Variants in SYN3 observed in about 807,000 individuals in gnomAD.
The protein encoded by SYN3 is synapsin-3.
SYN3 carries 35 observed loss-of-function variants against 65.8 expected under a neutral mutation model. The ratio of observed to expected loss-of-function variants is 0.53; its 90% CI spans 0.41 to 0.70. SYN3 has a LOEUF of 0.70. SYN3 is among the 30% of genes least tolerant of loss of function. The probability of loss-of-function intolerance (pLI) is 0.00; values close to 1 mark genes in which losing one functional copy is unlikely to be tolerated. For synonymous variants in SYN3, 270 were observed against 292.9 expected, an observed-to-expected ratio of 0.92 and a Z score of 0.80; for missense variants, 680 against 749.0, an observed-to-expected ratio of 0.91 and a Z score of 1.08.
At chr22:32,536,795 C>T (rs1647410586) in intron 9 of SYN3, among the ~76,000 whole-genome samples, 1 of 152,202 alleles carries the variant, frequency 6.6e-6, no homozygotes, top group African/African-American at 2.4e-5. Context: ...CACAAAGAAG[C>T]TGAACTTGGG....
At chr22:33,009,478 T>G (rs1381968688) in intron 1 of SYN3, among the ~76,000 whole-genome samples, 1 of 152,156 alleles carries the variant, frequency 6.6e-6, no homozygotes, top group Non-Finnish European at 1.5e-5. Context: ...ATCTTTTTAT[T>G]TTTGATTTGT....
intron 6 of SYN3, among the ~76,000 whole-genome samples, chr22:32,848,404 A>G (rs990401414): frequency 2.2e-4 from 34 of 152,214 alleles, no homozygotes; most frequent in African/African-American, 8.0e-4. Flanking sequence ...AGGCTCAGAA[A>G]GAGGAAGTGG....
chr22:32,606,132 A>G (rs991960999), intron 6 of SYN3, among the ~76,000 whole-genome samples: 2 of 152,102 alleles, frequency 1.3e-5, no homozygotes, highest in African/African-American at 4.8e-5. Context: ...CTCCACATCT[A>G]TGATCTCAGG....
intron 6 of SYN3, among the ~76,000 whole-genome samples, chr22:32,699,601 G>GA (rs1555927895): frequency 6.6e-6 from 1 of 152,114 alleles, no homozygotes; most frequent in Non-Finnish European, 1.5e-5. Context: ...AAGTCACATT[G>GA]CTCTCGGGGC....
chr22:32,813,486 T>C (rs1466846819), intron 6 of SYN3, among the ~76,000 whole-genome samples: 5 of 138,186 alleles, frequency 3.6e-5, no homozygotes, highest in Non-Finnish European at 7.8e-5. Flanking sequence ...TCTGAAAAGA[T>C]ACACACACAC....
At chr22:32,597,186 C>A (rs762332332) in intron 6 of SYN3, among the ~76,000 whole-genome samples, 1 of 148,918 alleles carries the variant, frequency 6.7e-6, no homozygotes, top group Non-Finnish European at 1.5e-5. Flanking sequence ...CTGGCATACT[C>A]CTGTCTTACA....
chr22:32,775,971 G>A (rs945845119), intron 6 of SYN3, among the ~76,000 whole-genome samples: 3 of 152,218 alleles, frequency 2.0e-5, no homozygotes, highest in Non-Finnish European at 4.4e-5. Flanking sequence ...AGGACCTAGA[G>A]ATCAGGAGAT....
At chr22:32,527,651 G>A (rs1038930305) in intron 12 of SYN3, 9 of 386,224 alleles carry the variant, frequency 2.3e-5, no homozygotes, top group Middle Eastern at 6.9e-4. Flanking sequence ...AGGACGGCTG[G>A]GAAAATAAAA....
chr22:32,624,618 C>T (rs1266799950), intron 6 of SYN3, among the ~76,000 whole-genome samples: 1 of 152,144 alleles, frequency 6.6e-6, no homozygotes, highest in African/African-American at 2.4e-5. Flanking sequence ...AAGATTTCGG[C>T]GATGACTCCA....
chr22:32,601,246 A>G (rs1259368405), intron 6 of SYN3, among the ~76,000 whole-genome samples: 2 of 151,390 alleles, frequency 1.3e-5, no homozygotes, highest in Non-Finnish European at 2.9e-5. Flanking sequence ...TTTTCCTGAT[A>G]CTAGGGGAAA....
At chr22:32,686,751 A>C (rs1601913441) in intron 6 of SYN3, among the ~76,000 whole-genome samples, 1 of 151,330 alleles carries the variant, frequency 6.6e-6, no homozygotes, top group Non-Finnish European at 1.5e-5. Context: ...GCCCACCACC[A>C]CGTCCATCTA....
At chr22:32,994,294 G>A (rs1372401090) in intron 2 of SYN3, among the ~76,000 whole-genome samples, 1 of 152,098 alleles carries the variant, frequency 6.6e-6, no homozygotes, top group African/African-American at 2.4e-5. Flanking sequence ...AGACACCAGG[G>A]CCAGGACTGC....
chr22:32,702,165 C>G (rs1252028860), intron 6 of SYN3, among the ~76,000 whole-genome samples: 3 of 152,116 alleles, frequency 2.0e-5, no homozygotes, highest in Non-Finnish European at 4.4e-5. Flanking sequence ...CTCATTGATT[C>G]CCAAGATAAA....
intron 4 of SYN3, among the ~76,000 whole-genome samples, chr22:32,918,021 C>T (rs759585756): frequency 2.1e-4 from 32 of 152,230 alleles, no homozygotes; most frequent in Non-Finnish European, 4.1e-4. Flanking sequence ...CCTTGCAGAC[C>T]ACATCCCCGC....
intron 6 of SYN3, among the ~76,000 whole-genome samples, chr22:32,644,097 A>G (rs1448812560): frequency 2.7e-5 from 3 of 110,470 alleles, no homozygotes; most frequent in African/African-American, 1.1e-4. Context: ...AAAAAAAAAA[A>G]AAAAAGCGAC....
chr22:33,008,640 A>T (rs2053258745), intron 1 of SYN3, among the ~76,000 whole-genome samples: 1 of 152,186 alleles, frequency 6.6e-6, no homozygotes, highest in African/African-American at 2.4e-5. Flanking sequence ...GAGGTCAGGC[A>T]TGGTGGCTCA....
intron 7 of SYN3, among the ~76,000 whole-genome samples, chr22:32,579,845 T>A (rs1018370324): frequency 6.6e-6 from 1 of 152,220 alleles, no homozygotes; most frequent in African/African-American, 2.4e-5. Flanking sequence ...GCTCTTTCCC[T>A]TAATAAATGA....
chr22:33,024,747 G>A (rs2145872853), intron 1 of SYN3, among the ~76,000 whole-genome samples: 1 of 152,256 alleles, frequency 6.6e-6, no homozygotes, highest in East Asian at 1.9e-4. Context: ...AATGAGGGAA[G>A]GATAAAGGGG....
At chr22:32,665,314 T>C (rs1338247993) in intron 6 of SYN3, among the ~76,000 whole-genome samples, 1 of 151,296 alleles carries the variant, frequency 6.6e-6, no homozygotes, top group Admixed American at 6.6e-5. Context: ...ATCCTCCTTA[T>C]TATGCCTTGG....
Sources: gnomAD v4.1 joint callset for allele counts (sites outside exome capture counted in the v4.1 genomes callset) on GRCh38, gnomAD v4.1.1 for gene constraint, MANE v1.5 for transcripts, NCBI Gene and HGNC (gene_info 2026-07-23, HGNC 2026-07-21) for gene names.